HEATR1: variants seen among roughly 807,000 people sequenced by gnomAD.
HEATR1 encodes HEAT repeat containing 1, also known as HEAT repeat-containing protein 1.
Under a neutral mutation model 248.2 loss-of-function variants are expected in HEATR1, and 77 were observed. The observed-to-expected ratio is 0.31, with a 90% confidence interval of 0.26 to 0.37. The LOEUF is 0.37. Among genes scored for constraint, HEATR1 ranks in the 10% least tolerant of loss-of-function variants. The pLI, the probability that HEATR1 is intolerant of heterozygous loss-of-function variation, is 1.00. For missense variants in HEATR1, 2,420 were observed against 2,504.9 expected, an observed-to-expected ratio of 0.97 and a Z score of 0.72; for synonymous variants, 897 against 923.1, an observed-to-expected ratio of 0.97 and a Z score of 0.51.
intron 42 of HEATR1, among the ~76,000 whole-genome samples, chr1:236,554,160 G>C (rs866602495): frequency 6.6e-6 from 1 of 152,230 alleles, no homozygotes; most frequent in African/African-American, 2.4e-5. Flanking sequence ...GGGAGGCCAA[G>C]GTGGGTGGAT....
At chr1:236,557,453 C>A in intron 36 of HEATR1, 108 bp from the exon 37 acceptor site, 1 of 1,139,022 alleles carries the variant, frequency 8.8e-7, no homozygotes, top group Non-Finnish European at 1.3e-6. Context: ...TATTACATCG[C>A]TATCTGCTTC....
At position 236,564,229 on chromosome 1, in the gene HEATR1, G is replaced by GT. The variant is rs1367347283; in HGVS notation, c.4599+268dup. Reference sequence around the variant, plus strand: ...TATGAATATTATAAAGATTCTTGTAGTTTTTTTGGTGTACAGGTTCATAAA... The same window carrying GT: ...TATGAATATTATAAAGATTCTTGTAGTTTTTTTTGGTGTACAGGTTCATAAA... On this transcript the variant is annotated intron_variant, in intron 32 of 44. Coordinates refer to ENST00000366582, the MANE Select transcript of HEATR1 (RefSeq NM_018072.6). Among the ~76,000 whole-genome samples, 3 of 152,312 alleles carry GT rather than the reference G, an allele frequency of 2.0e-5. No homozygotes were observed. In the East Asian group the frequency reaches 5.8e-4, roughly 29 times the overall value.
intron 19 of HEATR1, 35 bp downstream of exon 19, chr1:236,582,701 G>A (rs1663784925): frequency 4.3e-6 from 7 of 1,609,772 alleles, no homozygotes; most frequent in Non-Finnish European, 6.0e-6. Context: ...TCTTCTTTAA[G>A]GGTAGAGTAC....
chr1:236,571,549 C>T lies in HEATR1; in HGVS notation c.3826+19G>A, dbSNP rs1210085072. 6.2e-7 allele frequency: 1 copy of T among 1,612,666 alleles called. No homozygotes were observed. Among genetic ancestry groups the T allele is most frequent in the Non-Finnish European group, 8.5e-7 (1 of 1,179,614 alleles). ...AAAGTAGATAATTTTTCTAACCTTT[C>T]CTTCCAAAAAGTACCTACCTTTGGG... On this transcript the variant is annotated intron_variant, in intron 27 of 44. Coordinates refer to ENST00000366582, the MANE Select transcript of HEATR1 (RefSeq NM_018072.6).
At chr1:236,584,081 C>T (rs1663823320) in intron 17 of HEATR1, among the ~76,000 whole-genome samples, 1 of 152,086 alleles carries the variant, frequency 6.6e-6, no homozygotes, top group Admixed American at 6.5e-5. Context: ...TACAATGTAA[C>T]GTCTCCAGTG....
At chr1:236,598,892 G>A (rs1430715338) in intron 4 of HEATR1, among the ~76,000 whole-genome samples, 4 of 152,050 alleles carry the variant, frequency 2.6e-5, no homozygotes, top group Admixed American at 6.6e-5. Flanking sequence ...AAGTGCTAAC[G>A]GTTAGTCAGT....
At chr1:236,587,363 C>A in intron 14 of HEATR1, 39 bp downstream of exon 14, 1 of 975,578 alleles carries the variant, frequency 1.0e-6, no homozygotes, top group Non-Finnish European at 1.5e-6. Flanking sequence ...ATAAGAACTT[C>A]ATCAATTCAA....
chr1:236,572,619 TG>T, intron 25 of HEATR1, 65 bp from the exon 26 acceptor site: 4 of 1,605,896 alleles, frequency 2.5e-6, no homozygotes, highest in Non-Finnish European at 3.4e-6. Context: ...TAAAAACCAT[TG>T]TGCCTGATTA....
At position 236,583,007 on chromosome 1, in the gene HEATR1, T is replaced by C. The variant is rs1663793614; in HGVS notation, c.2425+6A>G. On this transcript the variant is annotated splice_donor_region_variant and intron_variant, in intron 18 of 44. Coordinates refer to ENST00000366582, the MANE Select transcript of HEATR1 (RefSeq NM_018072.6). ...ACATTTAAAAGATTCACAGCTTGTA[T>C]CTTACCTTTAGGAAAAGATTTAGGA... 6.2e-7 allele frequency: 1 copy of C among 1,613,286 alleles called. No homozygotes were observed. Among genetic ancestry groups the C allele is most frequent in the Non-Finnish European group, 8.5e-7 (1 of 1,179,496 alleles).
intron 6 of HEATR1, among the ~76,000 whole-genome samples, chr1:236,596,362 A>G (rs1351941025): frequency 6.6e-6 from 1 of 152,228 alleles, no homozygotes; most frequent in Non-Finnish European, 1.5e-5. Context: ...CAATCAGATC[A>G]CTAATGGAAG....
At chr1:236,583,265 C>T in intron 17 of HEATR1, 69 bp from the exon 18 acceptor site, 12 of 1,342,264 alleles carry the variant, frequency 8.9e-6, no homozygotes, top group East Asian at 4.6e-5. Context: ...ATGAATTCCT[C>T]TGCATAATAT....
chr1:236,553,943 C>T (rs1329888391), intron 42 of HEATR1, among the ~76,000 whole-genome samples: 1 of 152,240 alleles, frequency 6.6e-6, no homozygotes, highest in Non-Finnish European at 1.5e-5. Flanking sequence ...TCGCCCCTTT[C>T]TCTCCAGCAG....
chr1:236,555,142 T>C (rs1263407185), intron 41 of HEATR1, among the ~76,000 whole-genome samples, 154 bp downstream of exon 41: 1 of 152,236 alleles, frequency 6.6e-6, no homozygotes, highest in Non-Finnish European at 1.5e-5. Context: ...AACACTTCAC[T>C]GTCTGACAAC....
chr1:236,600,108 G>T (rs12407135), intron 3 of HEATR1, among the ~76,000 whole-genome samples: 1 of 130,658 alleles, frequency 7.7e-6, no homozygotes, highest in Admixed American at 8.7e-5. Context: ...GCCCAGGCTG[G>T]TCTGTCAACA....
Position 236,553,740 on chromosome 1 carries a change from C to A in HEATR1, c.6079-1G>T. The A allele has an allele frequency of 6.2e-7, 1 of 1,610,458 alleles. No homozygotes were observed. The highest frequency in any genetic ancestry group is 8.5e-7 in the Non-Finnish European group (1 of 1,178,304). On this transcript the variant is annotated splice_acceptor_variant, in intron 42 of 44. Transcript: ENST00000366582. LOFTEE classifies it high-confidence loss of function. Reference sequence around the variant, plus strand: ...CTTCTCCCCCAAGCCTGTTTTCCAGCTAGGAAGAGTAAGACAAAGACTTTG... The same window carrying A: ...CTTCTCCCCCAAGCCTGTTTTCCAGATAGGAAGAGTAAGACAAAGACTTTG...
At chr1:236,574,549 T>C in intron 23 of HEATR1, 112 bp downstream of exon 23, 2 of 1,368,210 alleles carry the variant, frequency 1.5e-6, no homozygotes, top group Middle Eastern at 2.0e-4. Flanking sequence ...CACCTGTAAC[T>C]ATCTTCTCCA....
intron 20 of HEATR1, among the ~76,000 whole-genome samples, chr1:236,580,147 T>C (rs139483769): frequency 1.6e-4 from 24 of 152,350 alleles, no homozygotes; most frequent in African/African-American, 5.5e-4. Context: ...CACTTTTCAA[T>C]ATCGCATTCA....
chr1:236,571,050 TTAGA>T (rs1220814150), intron 28 of HEATR1, among the ~76,000 whole-genome samples: 1 of 152,248 alleles, frequency 6.6e-6, no homozygotes, highest in African/African-American at 2.4e-5. Context: ...TACTGTTTTA[TTAGA>T]TAGATAGTGT....
rs201699477 is a variant in HEATR1, at chr1:236,574,180, T to C, written c.3459+22A>G. Reference sequence around the variant, plus strand: ...AGACTATAAACATTAATAAAAAAAATTACAAGAAGTTTGCAGCTTACCCCT... The same window carrying C: ...AGACTATAAACATTAATAAAAAAAACTACAAGAAGTTTGCAGCTTACCCCT... On this transcript the variant is annotated intron_variant, in intron 24 of 44. Coordinates refer to ENST00000366582, the MANE Select transcript of HEATR1 (RefSeq NM_018072.6). 3.7e-5 allele frequency: 58 copies of C among 1,575,216 alleles called. No individual in the cohort carries two copies. In the Admixed American group the frequency reaches 8.5e-4, roughly 23 times the overall value.
Sources: allele counts gnomAD v4.1 joint callset (sites outside exome capture counted in the v4.1 genomes callset), GRCh38; gene constraint gnomAD v4.1.1; transcripts MANE v1.5; gene names NCBI Gene and HGNC (gene_info 2026-07-23, HGNC 2026-07-21).